ST6GALNAC3: variants seen among roughly 807,000 people sequenced by gnomAD.
ST6GALNAC3 encodes the protein alpha-N-acetylgalactosaminide alpha-2,6-sialyltransferase 3.
Under a neutral mutation model 32.7 loss-of-function variants are expected in ST6GALNAC3, and 25 were observed. The observed-to-expected ratio is 0.76, with a 90% CI of 0.56 to 1.07. ST6GALNAC3 has a LOEUF of 1.07. Among genes scored for constraint, ST6GALNAC3 ranks in the 50% least tolerant of loss-of-function variants. The probability of loss-of-function intolerance (pLI) is 0.00; values close to 1 mark genes in which losing one functional copy is unlikely to be tolerated. For synonymous variants in ST6GALNAC3, 129 were observed against 133.1 expected (o/e 0.97, Z 0.21); for missense variants, 355 against 382.4 (o/e 0.93, Z 0.60).
At chr1:76,258,368 G>A (rs1307946855) in intron 1 of ST6GALNAC3, among the ~76,000 whole-genome samples, 1 of 152,124 alleles carries the variant, frequency 6.6e-6, no homozygotes, top group Non-Finnish European at 1.5e-5. Context: ...AAACTGAAAG[G>A]CCAAATATCT....
intron 2 of ST6GALNAC3, among the ~76,000 whole-genome samples, chr1:76,382,036 ACATGG>A (rs1651749604): frequency 6.6e-6 from 1 of 152,164 alleles, no homozygotes; most frequent in African/African-American, 2.4e-5. Context: ...ATCTTTATAA[ACATGG>A]CAGATTCTCA....
At chr1:76,141,529 A>C (rs1410830860) in intron 1 of ST6GALNAC3, among the ~76,000 whole-genome samples, 1 of 152,196 alleles carries the variant, frequency 6.6e-6, no homozygotes, top group Non-Finnish European at 1.5e-5. Context: ...AAAAGATAGC[A>C]TGTAGTTTTT....
chr1:76,331,002 G>C (rs945760807), intron 2 of ST6GALNAC3, among the ~76,000 whole-genome samples: 1 of 152,184 alleles, frequency 6.6e-6, no homozygotes, highest in African/African-American at 2.4e-5. Context: ...TAGATTGCCA[G>C]CCTCTGCTGG....
chr1:76,105,484 A>G (rs1317346637), intron 1 of ST6GALNAC3, among the ~76,000 whole-genome samples: 1 of 149,286 alleles, frequency 6.7e-6, no homozygotes, highest in Non-Finnish European at 1.5e-5. Context: ...CAGATTACAG[A>G]TGGAGATGCT....
intron 1 of ST6GALNAC3, among the ~76,000 whole-genome samples, chr1:76,211,599 T>C (rs952153560): frequency 5.3e-4 from 39 of 74,024 alleles, no homozygotes; most frequent in East Asian, 4.4e-3. Flanking sequence ...TGGAATACTA[T>C]GCAGCCATAA....
intron 1 of ST6GALNAC3, among the ~76,000 whole-genome samples, chr1:76,235,190 A>C (rs1674559419): frequency 6.6e-6 from 1 of 152,200 alleles, no homozygotes; most frequent in African/African-American, 2.4e-5. Context: ...ACCCAAAAGC[A>C]TACATGTGAG....
At chr1:76,613,062 A>T (rs1271965447) in intron 3 of ST6GALNAC3, among the ~76,000 whole-genome samples, 4 of 152,208 alleles carry the variant, frequency 2.6e-5, no homozygotes. Flanking sequence ...TGTGTCTGTA[A>T]GACGACTTGA....
chr1:76,342,903 C>T (rs1648172818), intron 2 of ST6GALNAC3, among the ~76,000 whole-genome samples: 1 of 151,904 alleles, frequency 6.6e-6, no homozygotes, highest in Non-Finnish European at 1.5e-5. Context: ...TTTCTTTGCC[C>T]ACTTTTTAAT....
At chr1:76,525,569 G>A (rs759653470) in intron 3 of ST6GALNAC3, among the ~76,000 whole-genome samples, 3 of 151,234 alleles carry the variant, frequency 2.0e-5, no homozygotes, top group Admixed American at 6.6e-5. Flanking sequence ...TTCAACCCTC[G>A]GGAGAGAATC....
intron 1 of ST6GALNAC3, among the ~76,000 whole-genome samples, chr1:76,268,134 A>C (rs1027247629): frequency 2.6e-5 from 4 of 152,202 alleles, no homozygotes; most frequent in African/African-American, 9.7e-5. Context: ...TCATTTTGAT[A>C]CAGATAAGAT....
At chr1:76,526,914 T>C (rs1408964734) in intron 3 of ST6GALNAC3, among the ~76,000 whole-genome samples, 2 of 152,114 alleles carry the variant, frequency 1.3e-5, no homozygotes, top group African/African-American at 4.8e-5. Flanking sequence ...TCTCTGATTG[T>C]TAATTCCAGT....
chr1:76,164,216 G>T (rs1371776616), intron 1 of ST6GALNAC3, among the ~76,000 whole-genome samples: 1 of 152,132 alleles, frequency 6.6e-6, no homozygotes, highest in African/African-American at 2.4e-5. Flanking sequence ...CTGCTGTGAG[G>T]GTGCAAAGGA....
At chr1:76,624,109 GT>G (rs1648813809) in intron 3 of ST6GALNAC3, among the ~76,000 whole-genome samples, 1 of 151,958 alleles carries the variant, frequency 6.6e-6, no homozygotes, top group African/African-American at 2.4e-5. Context: ...TGTCAATTAA[GT>G]GCTGTTTGTA....
chr1:76,097,672 A>G (rs556925530), intron 1 of ST6GALNAC3, among the ~76,000 whole-genome samples: 134 of 152,288 alleles, frequency 8.8e-4, no homozygotes, highest in African/African-American at 3.2e-3. Flanking sequence ...TGTGGTGTAT[A>G]GCTGTAGTTC....
At chr1:76,625,483 A>G (rs899623624) in intron 3 of ST6GALNAC3, among the ~76,000 whole-genome samples, 4 of 151,464 alleles carry the variant, frequency 2.6e-5, no homozygotes, top group Non-Finnish European at 4.4e-5. Flanking sequence ...GAAAGAAGAG[A>G]AAAAAAAAGA....
intron 1 of ST6GALNAC3, among the ~76,000 whole-genome samples, chr1:76,216,099 A>G (rs968523233): frequency 6.6e-6 from 1 of 152,112 alleles, no homozygotes. Flanking sequence ...AAGCCCCGCC[A>G]TGCACCATCT....
At chr1:76,122,006 A>AT in intron 1 of ST6GALNAC3, among the ~76,000 whole-genome samples, 1 of 152,146 alleles carries the variant, frequency 6.6e-6, no homozygotes, top group Non-Finnish European at 1.5e-5. Flanking sequence ...CTCTGCCTAA[A>AT]TTTAGCTCTG....
At chr1:76,567,653 A>G (rs905804688) in intron 3 of ST6GALNAC3, among the ~76,000 whole-genome samples, 3 of 152,206 alleles carry the variant, frequency 2.0e-5, no homozygotes, top group Non-Finnish European at 2.9e-5. Context: ...ATATCCTTTG[A>G]ACAGCCTAAA....
intron 1 of ST6GALNAC3, among the ~76,000 whole-genome samples, chr1:76,131,418 G>C (rs1649602426): frequency 6.6e-6 from 1 of 152,204 alleles, no homozygotes; most frequent in Non-Finnish European, 1.5e-5. Flanking sequence ...GACGGAAAAA[G>C]TGTATTACAA....
Sources: gnomAD v4.1 joint callset for allele counts (sites outside exome capture counted in the v4.1 genomes callset) on GRCh38, gnomAD v4.1.1 for gene constraint, MANE v1.5 for transcripts, NCBI Gene and HGNC (gene_info 2026-07-23, HGNC 2026-07-21) for gene names.